Variants in RRP12 observed in about 807,000 individuals in gnomAD.
RRP12 encodes RRP12-like protein.
Under a neutral mutation model 157.3 loss-of-function variants are expected in RRP12, and 78 were observed. The observed-to-expected ratio is 0.50, with a 90% CI of 0.41 to 0.60. The LOEUF (loss-of-function observed/expected upper bound fraction) is 0.60, where lower values mean the gene tolerates loss of function less well. RRP12 is among the 20% of genes least tolerant of loss of function. The probability of loss-of-function intolerance (pLI) is 0.00; values close to 1 mark genes in which losing one functional copy is unlikely to be tolerated. For missense variants in RRP12, 1,521 were observed against 1,679.9 expected (o/e 0.91, Z 1.65); for synonymous variants, 726 against 670.9 (o/e 1.08, Z -1.27).
intron 30 of RRP12, among the ~76,000 whole-genome samples, chr10:97,361,485 C>T (rs1207807394): frequency 3.9e-5 from 6 of 152,214 alleles, no homozygotes; most frequent in Non-Finnish European, 7.3e-5. Context: ...ATTCCCAGGG[C>T]TCCAGCTACC....
intron 29 of RRP12, 193 bp downstream of exon 29, chr10:97,365,915 T>C (rs1843962210): frequency 1.5e-6 from 1 of 688,078 alleles, no homozygotes; most frequent in Non-Finnish European, 2.5e-6. Flanking sequence ...ATATGTATTG[T>C]ATAAATGGCT....
At chr10:97,367,469 GAC>G (rs1844022106) in intron 25 of RRP12, 1 of 339,574 alleles carries the variant, frequency 2.9e-6, no homozygotes, top group Admixed American at 4.5e-5. Flanking sequence ...TATAGAAGAG[GAC>G]ACGGCGGCAC....
At position 97,357,163 on chromosome 10, in the gene RRP12, G is replaced by T. The variant is rs764346630; in HGVS notation, c.3825C>A (p.Gly1275=). 1.2e-6 allele frequency: 2 copies of T among 1,612,690 alleles called. No individual in the cohort carries two copies. Among genetic ancestry groups the T allele is most frequent in the Admixed American group, 3.3e-5 (2 of 59,908 alleles). ...AACCTCGCCGGGCAGCCTTCACCAG[G>T]CCTTTGAACTGTCCCTGCAGCTTCA... ...KKMKLQGQFK[G]LVKAARRGSQ... Residue 1275 remains glycine (G), a synonymous_variant, in exon 34 of 34, where the codon GGC becomes GGA. Transcript: ENST00000370992.
At position 97,369,522 on chromosome 10, in the gene RRP12, G is replaced by C. The variant is rs774459555; in HGVS notation, c.2858C>G (p.Ser953Cys). ...LLENVCLLLA[S>C]RTRDVVKSAL... Reference sequence around the variant, plus strand: ...AGACTTGACCACGTCACGGGTGCGGGAGGCCAGAAGCAGGCACACATTCTC... The same window carrying C: ...AGACTTGACCACGTCACGGGTGCGGCAGGCCAGAAGCAGGCACACATTCTC... Residue 953 changes from serine (S) to cysteine (C), a missense_variant, in exon 25 of 34, where the codon TCC becomes TGC. By Grantham distance (112) the Ser-to-Cys change is moderately radical. Transcript: ENST00000370992. 6.3e-7 allele frequency: 1 copy of C among 1,597,150 alleles called. No individual in the cohort carries two copies. The highest frequency in any genetic ancestry group is 8.5e-7 in the Non-Finnish European group (1 of 1,171,942).
chr10:97,388,330 G>A lies in RRP12; in HGVS notation c.939C>T (p.Asp313=), dbSNP rs140158470. The part of the protein sequence containing the change: ...TTLHMLTLLK[D]LLPCFPEGLV... ...GGCCTTCCGGGAAGCAGGGCAGCAG[G>A]TCCTTCAGCAGCGTCAGCATGTGCA... The change falls in exon 8 of 34, where the codon GAC becomes GAT. Residue 313 remains aspartate (D), a synonymous_variant. Coordinates refer to ENST00000370992, the MANE Select transcript of RRP12 (RefSeq NM_015179.4). The A allele has an allele frequency of 9.5e-5, 153 of 1,613,986 alleles. No homozygotes were observed. In the African/African-American group the frequency reaches 1.5e-3, roughly 16 times the overall value.
rs1589428990 is a variant in RRP12, at chr10:97,381,451, C to T, written c.1353G>A (p.Met451Ile). 3 of 1,613,090 alleles carry T rather than the reference C, an allele frequency of 1.9e-6. No individual in the cohort carries two copies. The highest frequency in any genetic ancestry group is 2.2e-5 in the East Asian group (1 of 44,868). The change falls in exon 12 of 34, where the codon ATG becomes ATA. Residue 451 changes from methionine (M) to isoleucine (I), a missense_variant. Transcript: ENST00000370992. ...EILKECVAPH[M>I]ADIGSVTSSA... ...AGGAGGTCACGGAGCCAATGTCAGC[C>T]ATGTGGGGAGCCACGCATTCCTTCA...
At chr10:97,376,862 C>G (rs1473243148) in intron 15 of RRP12, among the ~76,000 whole-genome samples, 2 of 151,672 alleles carry the variant, frequency 1.3e-5, no homozygotes. Context: ...CTCGGCAGGC[C>G]ATACAATTTC....
intron 15 of RRP12, 108 bp from the exon 16 acceptor site, chr10:97,374,002 A>T: frequency 1.2e-6 from 1 of 801,324 alleles, no homozygotes; most frequent in South Asian, 1.5e-5. Context: ...AATATGGGTG[A>T]CTTCCCCCCA....
intron 3 of RRP12, among the ~76,000 whole-genome samples, chr10:97,395,212 A>ACC (rs1844923115): frequency 6.6e-6 from 1 of 151,962 alleles, no homozygotes; most frequent in Non-Finnish European, 1.5e-5. Context: ...ACATATACAC[A>ACC]CACACACACA....
Position 97,390,547 on chromosome 10 carries a change from A to T in RRP12, c.637-8T>A, listed in dbSNP as rs776318159. On this transcript the variant is annotated splice_polypyrimidine_tract_variant and splice_region_variant and intron_variant, in intron 5 of 33. Transcript: ENST00000370992. ...GGCCAGGCAGGAAAGGACCTGGAAG[A>T]AAGTCAGAGTCCCTCAGTGCCACCA... is the stretch of plus-strand genomic sequence containing the variant. 3 of 1,605,174 alleles carry T rather than the reference A, an allele frequency of 1.9e-6. No individual in the cohort carries two copies. The East Asian group carries it at 6.7e-5, about 36-fold the overall frequency.
At chr10:97,370,124 TA>T in intron 24 of RRP12, 42 bp downstream of exon 24, 2 of 1,370,204 alleles carry the variant, frequency 1.5e-6, no homozygotes, top group Non-Finnish European at 2.0e-6. Context: ...GGCATCTTCC[TA>T]ATCTGAGGGC....
At chr10:97,382,055 A>G (rs1439631941) in intron 10 of RRP12, among the ~76,000 whole-genome samples, 1 of 152,264 alleles carries the variant, frequency 6.6e-6, no homozygotes, top group Non-Finnish European at 1.5e-5. Flanking sequence ...AATGAAGGGC[A>G]TGCCTTCCCT....
rs142957313 is a variant in RRP12 at position 97,373,641 on chromosome 10, G to A, written c.1960C>T (p.Arg654Cys). 71 of 1,613,648 alleles carry A rather than the reference G, an allele frequency of 4.4e-5. No homozygotes were observed. In the East Asian group the frequency reaches 6.0e-4, roughly 14 times the overall value. The change falls in exon 17 of 34, where the codon CGT becomes TGT. Residue 654 changes from arginine to cysteine, a missense_variant. Coordinates refer to ENST00000370992, the MANE Select transcript of RRP12 (RefSeq NM_015179.4). ...ARTLGMAISERPDLRVTVCQA... is the reference protein window; with the variant it reads ...ARTLGMAISECPDLRVTVCQA... The stretch of plus-strand genomic sequence containing the variant: ...CACACGGTGACCCTCAGGTCTGGAC[G>A]CTCGCTGATGGCCATGCCCAGCGTC...
chr10:97,363,776 C>A, intron 30 of RRP12, 78 bp downstream of exon 30: 1 of 1,272,204 alleles, frequency 7.9e-7, no homozygotes, highest in Non-Finnish European at 1.2e-6. Context: ...CCAATGTCTA[C>A]GTGTGGTGGG....
intron 3 of RRP12, among the ~76,000 whole-genome samples, chr10:97,395,200 A>C (rs1454378384): frequency 7.6e-6 from 1 of 131,428 alleles, no homozygotes; most frequent in Non-Finnish European, 1.6e-5. Context: ...GTATATATAT[A>C]CACATATACA....
At chr10:97,363,471 T>G (rs1843894271) in intron 30 of RRP12, among the ~76,000 whole-genome samples, 1 of 139,864 alleles carries the variant, frequency 7.1e-6, no homozygotes, top group Non-Finnish European at 1.7e-5. Flanking sequence ...CTCTGGTCAC[T>G]GGGACAACGG....
intron 25 of RRP12, chr10:97,367,432 CT>C (rs1245213254): frequency 1.6e-5 from 7 of 441,458 alleles, no homozygotes; most frequent in East Asian, 1.3e-4. Context: ...TGGACTACCC[CT>C]GAGATACATG....
intron 31 of RRP12, among the ~76,000 whole-genome samples, chr10:97,359,356 G>T (rs1174383163): frequency 6.6e-6 from 1 of 152,200 alleles, no homozygotes; most frequent in East Asian, 1.9e-4. Flanking sequence ...TCAACTCCCA[G>T]CTCTGCCACT....
Position 97,357,044 on chromosome 10 carries a change from G to A in RRP12, c.*50C>T, listed in dbSNP as rs151321664. ...GAGCTGGTGGCAAGGCAGCCTGGGG[G>A]CTGAAAGGGCCTCAGACTGGACCAC... On this transcript the variant is annotated 3_prime_UTR_variant, in exon 34 of 34. Transcript: ENST00000370992. 2,009 of 1,086,216 alleles carry A rather than the reference G, an allele frequency of 1.8e-3. 8 individuals carry two copies. Among genetic ancestry groups the A allele is most frequent in the Middle Eastern group, 0.018 (87 of 4,808 alleles). 67.3% of individuals were successfully genotyped at this position (1,086,216 alleles called of 1,614,324 possible).
Sources: gnomAD v4.1 joint callset for allele counts (sites outside exome capture counted in the v4.1 genomes callset) on GRCh38, gnomAD v4.1.1 for gene constraint, MANE v1.5 for transcripts, NCBI Gene and HGNC (gene_info 2026-07-23, HGNC 2026-07-21) for gene names.